PRDX5: variants seen among roughly 807,000 people sequenced by gnomAD.
The protein encoded by PRDX5 is peroxiredoxin 5.
A neutral mutation model predicts 23.8 loss-of-function variants in PRDX5; 21 were observed. The ratio of observed to expected loss-of-function variants is 0.88; its 90% confidence interval spans 0.63 to 1.27. PRDX5 has a LOEUF of 1.27. Ranked by LOEUF, PRDX5 falls within the 50% of genes most tolerant of loss-of-function variation. PRDX5 has a pLI of 0.00. For synonymous variants in PRDX5, 111 were observed against 113.3 expected (o/e 0.98, Z 0.13); for missense variants, 261 against 270.6 (o/e 0.96, Z 0.25).
At chr11:64,321,565 C>T in intron 5 of PRDX5, 21 bp from the exon 6 acceptor site, 1 of 1,609,784 alleles carries the variant, frequency 6.2e-7, no homozygotes, top group Non-Finnish European at 8.5e-7. Context: ...ATGCAGCTGG[C>T]TGGGCCCCTC....
intron 5 of PRDX5, among the ~76,000 whole-genome samples, 178 bp from the exon 6 acceptor site, chr11:64,321,408 G>C: frequency 6.6e-6 from 1 of 151,060 alleles, no homozygotes; most frequent in East Asian, 2.0e-4. Flanking sequence ...TTCTCTGTGG[G>C]GAGAGTCCTC....
chr11:64,318,389 G>T lies in PRDX5; in HGVS notation c.171+3G>T. On this transcript the variant is annotated splice_donor_region_variant and intron_variant, in intron 1 of 5. Coordinates refer to ENST00000265462, the MANE Select transcript of PRDX5 (RefSeq NM_012094.5). ...CTGCAGCCATGGCCCCAATCAAGGT[G>T]ACCGCTGGCCCGGCCGGGCCTGACA... is the stretch of plus-strand genomic sequence containing the variant. 6.2e-7 allele frequency: 1 copy of T among 1,603,554 alleles called. No individual in the cohort carries two copies. The highest frequency in any genetic ancestry group is 8.5e-7 in the Non-Finnish European group (1 of 1,176,130).
intron 1 of PRDX5, among the ~76,000 whole-genome samples, 184 bp downstream of exon 1, chr11:64,318,570 T>G (rs544565975): frequency 1.1e-4 from 16 of 151,518 alleles, no homozygotes; most frequent in Admixed American, 7.2e-4. Context: ...GGGCCTCACC[T>G]CCCGGGACAG....
chr11:64,319,175 G>A (rs1565382246), intron 1 of PRDX5, among the ~76,000 whole-genome samples: 1 of 151,952 alleles, frequency 6.6e-6, no homozygotes, highest in Non-Finnish European at 1.5e-5. Flanking sequence ...TACCCACTCT[G>A]GTCCCATGAA....
chr11:64,319,556 T>G (rs2035432474), intron 1 of PRDX5, among the ~76,000 whole-genome samples, 178 bp from the exon 2 acceptor site: 1 of 152,226 alleles, frequency 6.6e-6, no homozygotes, highest in South Asian at 2.1e-4. Flanking sequence ...TTGGAGGATA[T>G]GGGGTAACCC....
chr11:64,319,631 C>T, intron 1 of PRDX5, 103 bp from the exon 2 acceptor site: 2 of 1,427,960 alleles, frequency 1.4e-6, no homozygotes, highest in Non-Finnish European at 1.9e-6. Flanking sequence ...TGGGTTTCAG[C>T]CCCGGTTCCT....
chr11:64,318,358 G>A lies in PRDX5; in HGVS notation c.143G>A (p.Arg48Lys). ...TCTGGCGGGGTCCGCAGTTTCAGCA[G>A]AGCCGCTGCAGCCATGGCCCCAATC... is the stretch of plus-strand genomic sequence containing the variant. ...WASGGVRSFS[R>K]AAAAMAPIKV... The change falls in exon 1 of 6, where the codon AGA (arginine) becomes AAA (lysine). Residue 48 changes from arginine (R) to lysine (K), a missense_variant. Physicochemically the swap from Arg to Lys is conservative, Grantham distance 26. Coordinates refer to ENST00000265462, the MANE Select transcript of PRDX5 (RefSeq NM_012094.5). The A allele has an allele frequency of 6.2e-7, 1 of 1,610,826 alleles. No homozygotes were observed. The highest frequency in any genetic ancestry group is 8.5e-7 in the Non-Finnish European group (1 of 1,179,100).
chr11:64,319,407 C>T (rs989127266), intron 1 of PRDX5, among the ~76,000 whole-genome samples: 2 of 152,166 alleles, frequency 1.3e-5, no homozygotes, highest in African/African-American at 4.8e-5. Context: ...GCCCTCTAGC[C>T]CCTGTCCATT....
Position 64,321,677 on chromosome 11 carries a change from A to G in PRDX5, c.631A>G (p.Ile211Val). ...GLTCSLAPNI[I>V]SQL ...CACCTGCAGCCTGGCACCCAATATC[A>G]TCTCACAGCTCTGAGGCCCTGGGCC... Residue 211 changes from isoleucine (I) to valine (V), a missense_variant, in exon 6 of 6, where the codon ATC becomes GTC. Transcript: ENST00000265462. The G allele has an allele frequency of 1.3e-6, 2 of 1,586,176 alleles. No homozygotes were observed. The highest frequency in any genetic ancestry group is 2.3e-5 in the East Asian group (1 of 43,512).
intron 5 of PRDX5, 128 bp from the exon 6 acceptor site, chr11:64,321,458 G>A (rs991626023): frequency 6.9e-7 from 1 of 1,444,200 alleles, no homozygotes; most frequent in Non-Finnish European, 9.4e-7. Context: ...GTCCTCTGTG[G>A]GGGAGAGTCC....
Position 64,318,441 on chromosome 11 carries a change from C to T in PRDX5, c.171+55C>T, listed in dbSNP as rs1038272111. On this transcript the variant is annotated intron_variant, in intron 1 of 5. Transcript: ENST00000265462. ...CCCCCACTACCCCCATGGCAATCCC[C>T]GTCCCGCTAGTCTGAGAGTATCGCT... is the stretch of plus-strand genomic sequence containing the variant. 4 of 1,545,748 alleles carry T rather than the reference C, an allele frequency of 2.6e-6. No homozygotes were observed. The African/African-American group carries it at 4.1e-5, about 16-fold the overall frequency.
intron 1 of PRDX5, among the ~76,000 whole-genome samples, chr11:64,319,194 G>A (rs1027246104): frequency 2.6e-5 from 4 of 151,972 alleles, no homozygotes; most frequent in Admixed American, 1.3e-4. Context: ...AAGCCCTCAA[G>A]TACTCTGGGG....
In PRDX5 at chr11:64,321,780, T is replaced by C; in HGVS notation, c.*89T>C. On this transcript the variant is annotated 3_prime_UTR_variant, in exon 6 of 6. Coordinates refer to ENST00000265462, the MANE Select transcript of PRDX5 (RefSeq NM_012094.5). Reference sequence around the variant, plus strand: ...CCCTGCAATTGGAATGTTGGCCAGATTTCTGCAATAAACACTTGTGGTTTG... The same window carrying C: ...CCCTGCAATTGGAATGTTGGCCAGACTTCTGCAATAAACACTTGTGGTTTG... 7.0e-7 allele frequency: 1 copy of C among 1,437,654 alleles called. No homozygotes were observed. Among genetic ancestry groups the C allele is most frequent in the Non-Finnish European group, 9.3e-7 (1 of 1,078,490 alleles). 89.1% of individuals were successfully genotyped at this position (1,437,654 alleles called of 1,614,324 possible). A position where few individuals can be genotyped will look rare whatever the true frequency, so the allele number is the denominator to read the frequency against.
chr11:64,318,228 G>A lies in PRDX5; in HGVS notation c.13G>A (p.Gly5Ser), dbSNP rs1362581124. 1 of 1,611,818 alleles carries A rather than the reference G, an allele frequency of 6.2e-7. No individual in the cohort carries two copies. The highest frequency in any genetic ancestry group is 8.5e-7 in the Non-Finnish European group (1 of 1,179,832). Residue 5 changes from glycine (G) to serine (S), a missense_variant, in exon 1 of 6, where the codon GGC becomes AGC. Transcript: ENST00000265462. MGLA[G>S]VCALRRSAGY... The stretch of plus-strand genomic sequence containing the variant: ...CCGTGGGGCGGGTATGGGACTAGCT[G>A]GCGTGTGCGCCCTGAGACGCTCAGC...
chr11:64,321,317 CT>C (rs2035494279), intron 5 of PRDX5, among the ~76,000 whole-genome samples: 1 of 148,732 alleles, frequency 6.7e-6, no homozygotes, highest in South Asian at 2.2e-4. Flanking sequence ...GGAGAGAGTC[CT>C]GTGTGGGAGA....
At position 64,318,270 on chromosome 11, in the gene PRDX5, G is replaced by C. The variant is rs374200354; in HGVS notation, c.55G>C (p.Gly19Arg). The change falls in exon 1 of 6, where the codon GGT (glycine) becomes CGT (arginine). Residue 19 changes from glycine (G) to arginine (R), a missense_variant. By Grantham distance (125) the Gly-to-Arg change is moderately radical. Coordinates refer to ENST00000265462, the MANE Select transcript of PRDX5 (RefSeq NM_012094.5). Reference sequence around the variant, plus strand: ...ACGCTCAGCGGGCTATATACTCGTCGGTGGGGCCGGCGGTCAGTCTGCGGC... The same window carrying C: ...ACGCTCAGCGGGCTATATACTCGTCCGTGGGGCCGGCGGTCAGTCTGCGGC... Reference protein sequence around the residue: ...LRRSAGYILVGGAGGQSAAAA... With the variant: ...LRRSAGYILVRGAGGQSAAAA... 4 of 1,612,346 alleles carry C rather than the reference G, an allele frequency of 2.5e-6. No individual in the cohort carries two copies. Among genetic ancestry groups the C allele is most frequent in the Non-Finnish European group, 3.4e-6 (4 of 1,179,918 alleles).
intron 2 of PRDX5, among the ~76,000 whole-genome samples, chr11:64,320,152 C>T (rs1591257124): frequency 6.6e-6 from 1 of 152,088 alleles, no homozygotes; most frequent in South Asian, 2.1e-4. Flanking sequence ...TGGTGGCGGG[C>T]GCCTGTAATC....
chr11:64,321,757 C>G lies in PRDX5; in HGVS notation c.*66C>G. The G allele has an allele frequency of 6.8e-7, 1 of 1,471,896 alleles. No individual in the cohort carries two copies. The highest frequency in any genetic ancestry group is 9.1e-7 in the Non-Finnish European group (1 of 1,103,382). The allele number at this position is 1,471,896 out of a possible 1,614,324, so 91.2% of individuals were successfully genotyped here. ...ACCTGCCCAGCCCTGTGCTGGGGCC[C>G]TGCAATTGGAATGTTGGCCAGATTT... On this transcript the variant is annotated 3_prime_UTR_variant, in exon 6 of 6. Transcript: ENST00000265462.
Position 64,321,672 on chromosome 11 carries a change from A to G in PRDX5, c.626A>G (p.Asn209Ser). 6.3e-7 allele frequency: 1 copy of G among 1,591,228 alleles called. No homozygotes were observed. Among genetic ancestry groups the G allele is most frequent in the Non-Finnish European group, 8.6e-7 (1 of 1,169,018 alleles). ...GGCCTCACCTGCAGCCTGGCACCCA[A>G]TATCATCTCACAGCTCTGAGGCCCT... ...GTGLTCSLAP[N>S]IISQL The change falls in exon 6 of 6, where the codon AAT (asparagine) becomes AGT (serine). Residue 209 changes from asparagine to serine, a missense_variant. Asn to Ser is a conservative substitution (Grantham distance 46, BLOSUM62 1). Coordinates refer to ENST00000265462, the MANE Select transcript of PRDX5 (RefSeq NM_012094.5).
Sources: allele counts gnomAD v4.1 joint callset (sites outside exome capture counted in the v4.1 genomes callset), GRCh38; gene constraint gnomAD v4.1.1; transcripts MANE v1.5; gene names NCBI Gene and HGNC (gene_info 2026-07-23, HGNC 2026-07-21).